Variants in MAD1L1 observed in about 807,000 individuals in gnomAD.
The protein encoded by MAD1L1 is mitotic arrest deficient 1 like 1.
Under a neutral mutation model 96.9 loss-of-function variants are expected in MAD1L1, and 95 were observed. The observed-to-expected ratio is 0.98, with a 90% CI of 0.83 to 1.16. The LOEUF (loss-of-function observed/expected upper bound fraction) is 1.16. MAD1L1 is among the 50% of genes most tolerant of loss of function. The pLI, the probability that MAD1L1 is intolerant of heterozygous loss-of-function variation, is 0.00. For missense variants in MAD1L1, 1,007 were observed against 954.4 expected, an observed-to-expected ratio of 1.06 and a Z score of -0.73; for synonymous variants, 473 against 396.6, an observed-to-expected ratio of 1.19 and a Z score of -2.29.
At chr7:1,871,605 C>A (rs577182384) in intron 18 of MAD1L1, among the ~76,000 whole-genome samples, 1 of 145,366 alleles carries the variant, frequency 6.9e-6, no homozygotes, top group African/African-American at 2.6e-5. Context: ...ACCTGCCACG[C>A]CGAACCCACC....
chr7:2,222,466 G>A (rs538681006), intron 5 of MAD1L1, 109 bp downstream of exon 5: 41 of 913,474 alleles, frequency 4.5e-5, no homozygotes, highest in Middle Eastern at 2.5e-4. Context: ...GCAGCTGCCC[G>A]TGTGGGAAGC....
chr7:2,051,068 A>G (rs969529232), intron 12 of MAD1L1, among the ~76,000 whole-genome samples: 4 of 152,258 alleles, frequency 2.6e-5, no homozygotes, highest in Non-Finnish European at 4.4e-5. Context: ...ATGTTTCTCT[A>G]CCAAACAGGA....
chr7:2,212,574 C>A (rs1251121104), intron 10 of MAD1L1, among the ~76,000 whole-genome samples: 1 of 152,152 alleles, frequency 6.6e-6, no homozygotes, highest in Non-Finnish European at 1.5e-5. Context: ...ACACTACTCA[C>A]GCTCGCTCAC....
chr7:2,226,489 C>A (rs984115551), intron 3 of MAD1L1, among the ~76,000 whole-genome samples: 6 of 152,074 alleles, frequency 3.9e-5, no homozygotes, highest in Admixed American at 3.9e-4. Context: ...CCACACAGGG[C>A]TAGTGATTAC....
In MAD1L1 at chr7:1,816,244, G is replaced by A; in HGVS notation, c.1999-16C>T. On this transcript the variant is annotated splice_polypyrimidine_tract_variant and intron_variant, in intron 18 of 18. Transcript: ENST00000265854. ...GGCTGGTGGCCTGCGGGGCAGTCAAGAAAGAGACAAGACAGCGGTCAGCCC... is the reference window on the plus strand; with the variant it reads ...GGCTGGTGGCCTGCGGGGCAGTCAAAAAAGAGACAAGACAGCGGTCAGCCC... The A allele has an allele frequency of 6.2e-7, 1 of 1,600,738 alleles. No individual in the cohort carries two copies. The highest frequency in any genetic ancestry group is 8.5e-7 in the Non-Finnish European group (1 of 1,176,408).
chr7:2,213,401 G>T (rs922447602), intron 9 of MAD1L1, 128 bp from the exon 10 acceptor site: 2 of 823,790 alleles, frequency 2.4e-6, no homozygotes, highest in African/African-American at 3.4e-5. Flanking sequence ...CTCTGAGCTG[G>T]GCGCTACATG....
chr7:1,826,960 AATT>A lies in MAD1L1; in HGVS notation c.1999-10735_1999-10733del, dbSNP rs925402152. On this transcript the variant is annotated intron_variant, in intron 18 of 18. Transcript: ENST00000265854. ...AGTCGCAGAAAAATCCCAAACCAAC[AATT>A]ATTATTATTATTATTCTATTTATAC... Among the ~76,000 whole-genome samples, 5 of 152,210 alleles carry A rather than the reference AATT, an allele frequency of 3.3e-5. No homozygotes were observed. The South Asian group carries it at 8.3e-4, about 25-fold the overall frequency.
At chr7:2,079,262 C>A (rs1446270479) in intron 11 of MAD1L1, among the ~76,000 whole-genome samples, 1 of 152,214 alleles carries the variant, frequency 6.6e-6, no homozygotes, top group African/African-American at 2.4e-5. Context: ...AGGGCAGGTG[C>A]CCCAGGACAT....
intron 10 of MAD1L1, among the ~76,000 whole-genome samples, chr7:2,205,041 A>ACAT (rs1377445126): frequency 6.7e-6 from 1 of 150,002 alleles, no homozygotes; most frequent in African/African-American, 2.5e-5. Flanking sequence ...AGAGAAATCT[A>ACAT]CATTACTGAC....
intron 13 of MAD1L1, among the ~76,000 whole-genome samples, chr7:2,012,020 T>C (rs937188924): frequency 1.3e-5 from 2 of 152,150 alleles, no homozygotes; most frequent in African/African-American, 4.8e-5. Context: ...CTCTTCTATG[T>C]GCCTAATTCT....
intron 11 of MAD1L1, among the ~76,000 whole-genome samples, chr7:2,074,036 G>C (rs17132140): frequency 0.083 from 12,640 of 152,218 alleles, 1,678 homozygotes; most frequent in African/African-American, 0.28. Context: ...CGACACTGTG[G>C]AATGCTCGCC....
At chr7:1,904,505 G>A (rs1410141117) in intron 17 of MAD1L1, among the ~76,000 whole-genome samples, 1 of 135,178 alleles carries the variant, frequency 7.4e-6, no homozygotes, top group Non-Finnish European at 1.5e-5. Flanking sequence ...GCCTATGGAA[G>A]ATGCTCTTGC....
intron 11 of MAD1L1, among the ~76,000 whole-genome samples, chr7:2,092,111 G>A (rs963247978): frequency 4.6e-5 from 7 of 152,182 alleles, no homozygotes; most frequent in East Asian, 1.9e-4. Context: ...CCAGCAGTGC[G>A]TGAGAGTTCC....
intron 12 of MAD1L1, among the ~76,000 whole-genome samples, chr7:2,019,086 G>A (rs1443495180): frequency 6.6e-6 from 1 of 152,178 alleles, no homozygotes; most frequent in African/African-American, 2.4e-5. Context: ...AGGCGGGAAC[G>A]TGGGGCTGCA....
intron 14 of MAD1L1, among the ~76,000 whole-genome samples, chr7:1,981,778 G>A (rs140430000): frequency 5.9e-4 from 90 of 152,318 alleles, no homozygotes; most frequent in African/African-American, 2.0e-3. Flanking sequence ...GCCAGCAGGA[G>A]CCTGGGAAAA....
intron 13 of MAD1L1, among the ~76,000 whole-genome samples, chr7:2,005,349 AG>A (rs1416349476): frequency 1.3e-5 from 2 of 151,902 alleles, no homozygotes; most frequent in African/African-American, 4.8e-5. Flanking sequence ...CGCCTGCATT[AG>A]GGGGGTTACA....
intron 11 of MAD1L1, among the ~76,000 whole-genome samples, chr7:2,127,089 AG>A (rs1229285317): frequency 6.6e-6 from 1 of 152,122 alleles, no homozygotes; most frequent in Non-Finnish European, 1.5e-5. Context: ...ACTCTCCTGG[AG>A]GGGGCCTCTC....
chr7:1,867,938 G>A (rs369821308), intron 18 of MAD1L1, among the ~76,000 whole-genome samples: 22 of 152,332 alleles, frequency 1.4e-4, no homozygotes, highest in African/African-American at 4.1e-4. Context: ...CGCTTCTCCC[G>A]TCTTCCCTAA....
chr7:1,933,824 C>A (rs1280911014), intron 17 of MAD1L1, among the ~76,000 whole-genome samples: 3 of 152,166 alleles, frequency 2.0e-5, no homozygotes, highest in Non-Finnish European at 4.4e-5. Context: ...AATCAAGCCT[C>A]CAGATCCACT....
Sources: gnomAD v4.1 joint callset for allele counts (sites outside exome capture counted in the v4.1 genomes callset) on GRCh38, gnomAD v4.1.1 for gene constraint, MANE v1.5 for transcripts, NCBI Gene and HGNC (gene_info 2026-07-23, HGNC 2026-07-21) for gene names.